The following CAPN2 variants were observed in gnomAD, a reference collection of about 807,000 sequenced individuals.
CAPN2 encodes the protein calpain-2 catalytic subunit.
CAPN2 carries 92 observed loss-of-function variants against 102.3 expected under a neutral mutation model. The observed-to-expected ratio is 0.90, with a 90% CI of 0.76 to 1.07. CAPN2 has a LOEUF of 1.07. Among genes scored for constraint, CAPN2 ranks in the 50% least tolerant of loss-of-function variants. The pLI is 0.00. For missense variants in CAPN2, 800 were observed against 909.4 expected, an observed-to-expected ratio of 0.88 and a Z score of 1.55; for synonymous variants, 340 against 355.4, an observed-to-expected ratio of 0.96 and a Z score of 0.49.
chr1:223,716,185 G>A (rs756700937), intron 1 of CAPN2, among the ~76,000 whole-genome samples: 3 of 152,218 alleles, frequency 2.0e-5, no homozygotes, highest in Non-Finnish European at 4.4e-5. Flanking sequence ...GTTTTCTGAA[G>A]CATCGCTTAG....
In CAPN2 at chr1:223,770,431, A is replaced by G; in HGVS notation, c.1825-16A>G. 6.3e-7 allele frequency: 1 copy of G among 1,599,290 alleles called. No homozygotes were observed. The highest frequency in any genetic ancestry group is 1.3e-5 in the African/African-American group (1 of 74,738). On this transcript the variant is annotated splice_polypyrimidine_tract_variant and intron_variant, in intron 17 of 20. Coordinates refer to ENST00000295006, the MANE Select transcript of CAPN2 (RefSeq NM_001748.5). ...GCTTTGGGTCATAGTTCTTACAGCTAACTTATGTGTTCCAGAAAATTTACC... is the reference window on the plus strand; with the variant it reads ...GCTTTGGGTCATAGTTCTTACAGCTGACTTATGTGTTCCAGAAAATTTACC...
chr1:223,717,743 T>C lies in CAPN2; in HGVS notation c.238-19T>C, dbSNP rs374605138. On this transcript the variant is annotated intron_variant, in intron 1 of 20. Coordinates refer to ENST00000295006, the MANE Select transcript of CAPN2 (RefSeq NM_001748.5). ...ACCTGGCTGGTAGGCTAACAGCACT[T>C]TGTGGGTCTCGTTCCCAGGAGATCT... 127 of 1,611,812 alleles carry C rather than the reference T, an allele frequency of 7.9e-5. No homozygotes were observed. The African/African-American group carries it at 1.6e-3, about 20-fold the overall frequency.
chr1:223,708,328 G>T (rs776972594), upstream of CAPN2, among the ~76,000 whole-genome samples: 43 of 152,136 alleles, frequency 2.8e-4, no homozygotes, highest in Non-Finnish European at 7.3e-5. Flanking sequence ...GGGAGACTGA[G>T]GCAGGAGAAT....
In CAPN2 at chr1:223,769,840, G is replaced by A. The variant is rs1231568783; in HGVS notation, c.1756-1G>A. 1 of 1,607,800 alleles carries A rather than the reference G, an allele frequency of 6.2e-7. No individual in the cohort carries two copies. The highest frequency in any genetic ancestry group is 1.3e-5 in the African/African-American group (1 of 74,952). ...CAAGGGCTTTCCTTGACTGAAGGCAGTCGGACGGGAGTGGCAAGCTGGGGC... is the reference window on the plus strand; with the variant it reads ...CAAGGGCTTTCCTTGACTGAAGGCAATCGGACGGGAGTGGCAAGCTGGGGC... On this transcript the variant is annotated splice_acceptor_variant, in intron 16 of 20. Coordinates refer to ENST00000295006, the MANE Select transcript of CAPN2 (RefSeq NM_001748.5). LOFTEE classifies it high-confidence loss of function.
chr1:223,737,524 C>G (rs545944279), intron 2 of CAPN2, among the ~76,000 whole-genome samples: 1 of 152,306 alleles, frequency 6.6e-6, no homozygotes, highest in South Asian at 2.1e-4. Context: ...AGCTCTGACA[C>G]TTGTCCTTGC....
chr1:223,756,452 C>A lies in CAPN2; in HGVS notation c.1305+803C>A, dbSNP rs906173997. On this transcript the variant is annotated intron_variant, in intron 10 of 20. Transcript: ENST00000295006. The surrounding 1 kb of genome is among the most constrained non-coding windows in gnomAD (Gnocchi z 4.1). ...CCCAAAGCCCATCTCTTTTCTCTGACCCATGTCTGCTGAGGTCCTTCAGCA... is the reference window on the plus strand; with the variant it reads ...CCCAAAGCCCATCTCTTTTCTCTGAACCATGTCTGCTGAGGTCCTTCAGCA... 7.2e-5 allele frequency among the ~76,000 whole-genome samples: 11 copies of A among 152,310 alleles called. No homozygotes were observed. The highest frequency in any genetic ancestry group is 2.6e-4 in the African/African-American group (11 of 41,564).
At chr1:223,712,433 C>A, upstream of CAPN2, 3 of 1,104,278 alleles carry the variant, frequency 2.7e-6, no homozygotes, top group Non-Finnish European at 3.3e-6. Flanking sequence ...GCAGGATGGC[C>A]TGGTCCCGGG....
rs774358254 is a variant in CAPN2 at position 223,712,735 on chromosome 1, A to G, written c.95A>G (p.Tyr32Cys). ...DRAIKYLNQD[Y>C]EALRNECLEA... ...GCCATCAAGTACCTCAACCAGGACTACGAGGCGCTGCGGAACGAGTGCCTG... is the reference window on the plus strand; with the variant it reads ...GCCATCAAGTACCTCAACCAGGACTGCGAGGCGCTGCGGAACGAGTGCCTG... The change falls in exon 1 of 21, where the codon TAC (tyrosine) becomes TGC (cysteine). Residue 32 changes from tyrosine (Y) to cysteine (C), a missense_variant. By Grantham distance (194) the Tyr-to-Cys change is radical. Transcript: ENST00000295006. 2 of 1,588,170 alleles carry G rather than the reference A, an allele frequency of 1.3e-6. No homozygotes were observed. Among genetic ancestry groups the G allele is most frequent in the East Asian group, 4.7e-5 (2 of 42,354 alleles).
chr1:223,757,499 T>A (rs970059088), intron 11 of CAPN2, 119 bp downstream of exon 11: 55 of 1,094,462 alleles, frequency 5.0e-5, no homozygotes, highest in Non-Finnish European at 7.0e-5. Flanking sequence ...GAAGGATGAG[T>A]CCTGGCCACC....
At chr1:223,748,410 G>A (rs1172098337) in intron 5 of CAPN2, among the ~76,000 whole-genome samples, 2 of 152,030 alleles carry the variant, frequency 1.3e-5, no homozygotes, top group Non-Finnish European at 2.9e-5. Flanking sequence ...GACCCTTTCT[G>A]CTCCAGCCCT....
intron 2 of CAPN2, among the ~76,000 whole-genome samples, chr1:223,734,262 G>A (rs1180347387): frequency 6.6e-6 from 1 of 152,128 alleles, no homozygotes; most frequent in Non-Finnish European, 1.5e-5. Context: ...ACCCTTCTCA[G>A]TGCTCCCCCT....
rs10556130 is a variant in CAPN2 at position 223,719,805 on chromosome 1, C to CGTGTGTGTGTGTGT, written c.307+1988_307+2001dup. Among the ~76,000 whole-genome samples the CGTGTGTGTGTGTGT allele has an allele frequency of 2.7e-3, 382 of 143,736 alleles. 3 individuals are homozygous for CGTGTGTGTGTGTGT. The East Asian group carries it at 0.035, about 13-fold the overall frequency. 94.3% of individuals were successfully genotyped at this position (143,736 alleles called of 152,430 possible). A position where few individuals can be genotyped will look rare whatever the true frequency, so the allele number is the denominator to read the frequency against. On this transcript the variant is annotated intron_variant, in intron 2 of 20. Coordinates refer to ENST00000295006, the MANE Select transcript of CAPN2 (RefSeq NM_001748.5). ...GTCTGTAATTTCTCAGGGGTGTGTG[C>CGTGTGTGTGTGTGT]GTGTGTGTGTGTGTGTGTGTGTGTG...
chr1:223,739,969 G>A (rs1278297917), intron 2 of CAPN2, among the ~76,000 whole-genome samples: 2 of 152,202 alleles, frequency 1.3e-5, no homozygotes, highest in Middle Eastern at 3.2e-3. Context: ...GAGACGTCAT[G>A]GACTTCAACC....
At chr1:223,747,571 T>C (rs1660779147) in intron 5 of CAPN2, among the ~76,000 whole-genome samples, 1 of 152,228 alleles carries the variant, frequency 6.6e-6, no homozygotes, top group Non-Finnish European at 1.5e-5. Context: ...CTGTTGGGCC[T>C]GCAGAGCAGA....
chr1:223,740,932 G>T (rs955474310), intron 2 of CAPN2, among the ~76,000 whole-genome samples: 8 of 152,186 alleles, frequency 5.3e-5, no homozygotes, highest in Non-Finnish European at 8.8e-5. Context: ...TACATCAAAA[G>T]CCTGTGCTTT....
chr1:223,750,323 T>C (rs1007584677), intron 6 of CAPN2, among the ~76,000 whole-genome samples: 2 of 152,238 alleles, frequency 1.3e-5, no homozygotes, highest in African/African-American at 4.8e-5. Context: ...CCCTCCTCAA[T>C]ACTTCAGCAT....
rs1441878700 is a variant in CAPN2, at chr1:223,749,265, G to T, written c.813+143G>T. The T allele has an allele frequency of 8.9e-6, 6 of 675,092 alleles. No individual in the cohort carries two copies. The East Asian group carries it at 1.7e-4, about 19-fold the overall frequency. 41.8% of individuals were successfully genotyped at this position (675,092 alleles called of 1,614,324 possible). A position where few individuals can be genotyped will look rare whatever the true frequency, so the allele number is the denominator to read the frequency against. On this transcript the variant is annotated intron_variant, in intron 6 of 20. Transcript: ENST00000295006. ...GCCCCGCACTCCTGAAGTTCCGCGC[G>T]GGAGGAGAAGGGCGTCCCTTTCGCA...
chr1:223,748,979 AGGGAGTCC>A, intron 5 of CAPN2, 52 bp from the exon 6 acceptor site: 1 of 1,473,514 alleles, frequency 6.8e-7, no homozygotes, highest in South Asian at 1.1e-5. Context: ...AGAGGGAGCG[AGGGAGTCC>A]GGGAGGAAGG....
chr1:223,738,068 A>T (rs753070741), intron 2 of CAPN2, among the ~76,000 whole-genome samples: 1 of 152,202 alleles, frequency 6.6e-6, no homozygotes, highest in Non-Finnish European at 1.5e-5. Context: ...TCCTTCTCTT[A>T]GATTTTTTTC....
Sources: allele counts gnomAD v4.1 joint callset (sites outside exome capture counted in the v4.1 genomes callset), GRCh38; gene constraint gnomAD v4.1.1; non-coding constraint Gnocchi (gnomAD v3.1); transcripts MANE v1.5; gene names NCBI Gene and HGNC (gene_info 2026-07-23, HGNC 2026-07-21).